Variants in MTSS1 observed in about 807,000 individuals in gnomAD.
The protein encoded by MTSS1 is MTSS I-BAR domain containing 1.
In MTSS1, 18 loss-of-function variants were observed where a neutral mutation model predicts 79.0. That is an observed-to-expected ratio of 0.23 (90% CI 0.16 to 0.34). The LOEUF (loss-of-function observed/expected upper bound fraction) is 0.34. Ranked by LOEUF, MTSS1 falls within the 10% of genes least tolerant of loss-of-function variation. MTSS1 has a pLI of 1.00. For missense variants in MTSS1, 815 were observed against 986.2 expected, an observed-to-expected ratio of 0.83 and a Z score of 2.33; for synonymous variants, 341 against 368.6, an observed-to-expected ratio of 0.93 and a Z score of 0.86.
At chr8:124,712,054 G>A (rs1005004055) in intron 1 of MTSS1, among the ~76,000 whole-genome samples, 20 of 151,082 alleles carry the variant, frequency 1.3e-4, no homozygotes, top group African/African-American at 4.9e-4. Flanking sequence ...AACAAAGAGT[G>A]GGTAGAAAAA....
At chr8:124,711,893 A>C (rs1041443853) in intron 1 of MTSS1, among the ~76,000 whole-genome samples, 2 of 151,736 alleles carry the variant, frequency 1.3e-5, no homozygotes, top group Non-Finnish European at 2.9e-5. Flanking sequence ...CTGCAATCCC[A>C]GTTACTCAGG....
At chr8:124,660,506 G>A (rs1036404074) in intron 3 of MTSS1, among the ~76,000 whole-genome samples, 1 of 150,174 alleles carries the variant, frequency 6.7e-6, no homozygotes, top group African/African-American at 2.5e-5. Context: ...AAGATCAAGG[G>A]GATAAATCAA....
intron 7 of MTSS1, 88 bp downstream of exon 7, chr8:124,568,291 C>A: frequency 6.9e-7 from 1 of 1,451,136 alleles, no homozygotes; most frequent in Non-Finnish European, 9.4e-7. Flanking sequence ...AGTAGATTCT[C>A]CATGACTCAA....
intron 3 of MTSS1, among the ~76,000 whole-genome samples, chr8:124,656,328 A>G (rs937998417): frequency 3.3e-5 from 5 of 152,088 alleles, no homozygotes; most frequent in Non-Finnish European, 5.9e-5. Context: ...AGCTTGCAAA[A>G]TAAAGTTCTT....
chr8:124,567,103 C>A lies in MTSS1; in HGVS notation c.694G>T (p.Asp232Tyr). Reference sequence around the variant, plus strand: ...CTTGAGGAGGGCAGTTTGTGAGGGTCCATGGTCAGGCTTTTTAGATCTTCC... The same window carrying A: ...CTTGAGGAGGGCAGTTTGTGAGGGTACATGGTCAGGCTTTTTAGATCTTCC... Reference protein sequence around the residue: ...ISEDLKSLTMDPHKLPSSSEQ... With the variant: ...ISEDLKSLTMYPHKLPSSSEQ... Residue 232 changes from aspartate to tyrosine, a missense_variant, in exon 8 of 14, where the codon GAC becomes TAC. Asp to Tyr is a radical substitution (Grantham distance 160). Coordinates refer to ENST00000518547, the MANE Select transcript of MTSS1 (RefSeq NM_014751.6). 2 of 1,614,076 alleles carry A rather than the reference C, an allele frequency of 1.2e-6. No homozygotes were observed. The highest frequency in any genetic ancestry group is 1.7e-6 in the Non-Finnish European group (2 of 1,179,934).
chr8:124,662,344 C>A (rs189376611), intron 3 of MTSS1, among the ~76,000 whole-genome samples: 8 of 152,102 alleles, frequency 5.3e-5, no homozygotes, highest in African/African-American at 1.9e-4. Flanking sequence ...AACAGTGATA[C>A]GAATGTATTC....
At position 124,567,052 on chromosome 8, in the gene MTSS1, C is replaced by CTTA; in HGVS notation, c.726+16_726+18dup. On this transcript the variant is annotated intron_variant, in intron 8 of 13. Coordinates refer to ENST00000518547, the MANE Select transcript of MTSS1 (RefSeq NM_014751.6). ...CCTCTTTGGTTTGATCCTGTAAGTGCTTAACCCCTGAAGCCTACCTGTTCA... is the reference window on the plus strand; with the variant it reads ...CCTCTTTGGTTTGATCCTGTAAGTGCTTATTAACCCCTGAAGCCTACCTGTTCA... 1.3e-6 allele frequency: 2 copies of CTTA among 1,579,694 alleles called. No individual in the cohort carries two copies. The highest frequency in any genetic ancestry group is 1.7e-6 in the Non-Finnish European group (2 of 1,149,114).
chr8:124,585,226 A>C, intron 5 of MTSS1, 65 bp from the exon 6 acceptor site: 6 of 1,166,592 alleles, frequency 5.1e-6, no homozygotes, highest in Non-Finnish European at 7.6e-6. Flanking sequence ...GTTAGGTAGG[A>C]AACAGCCATT....
At chr8:124,696,484 T>C (rs540225569) in intron 3 of MTSS1, among the ~76,000 whole-genome samples, 23 of 152,170 alleles carry the variant, frequency 1.5e-4, no homozygotes, top group Non-Finnish European at 3.2e-4. Flanking sequence ...TCAATGAAAA[T>C]AGTAGCACGT....
chr8:124,565,996 A>G, intron 8 of MTSS1: 1 of 347,540 alleles, frequency 2.9e-6, no homozygotes, highest in Non-Finnish European at 5.3e-6. Flanking sequence ...AAGGAAGGGA[A>G]AAGGAAAATC....
intron 3 of MTSS1, among the ~76,000 whole-genome samples, chr8:124,694,230 C>T (rs1033284353): frequency 7.2e-5 from 11 of 152,076 alleles, no homozygotes; most frequent in Non-Finnish European, 1.5e-4. Context: ...GAGCGGACGA[C>T]ACACTCCCTC....
chr8:124,611,122 A>G lies in MTSS1; in HGVS notation c.209-19887T>C, dbSNP rs539122216. 4.6e-5 allele frequency among the ~76,000 whole-genome samples: 6 copies of G among 129,140 alleles called. No homozygotes were observed. In the South Asian group the frequency reaches 1.5e-3, roughly 33 times the overall value. The allele number at this position is 129,140 out of a possible 152,430, so 84.7% of individuals were successfully genotyped here. On this transcript the variant is annotated intron_variant, in intron 3 of 13. Coordinates refer to ENST00000518547, the MANE Select transcript of MTSS1 (RefSeq NM_014751.6). ...ACCAGACAGACCCCCCCCCCCCAGC[A>G]TGTGACTCAACAGTCACCTCTGTAG...
chr8:124,682,282 C>T (rs1826245615), intron 3 of MTSS1, among the ~76,000 whole-genome samples: 1 of 152,198 alleles, frequency 6.6e-6, no homozygotes, highest in African/African-American at 2.4e-5. Flanking sequence ...TGCCCACCCC[C>T]ATCTTCGGCA....
At chr8:124,704,934 G>A (rs1830184134) in intron 1 of MTSS1, among the ~76,000 whole-genome samples, 1 of 152,134 alleles carries the variant, frequency 6.6e-6, no homozygotes, top group South Asian at 2.1e-4. Context: ...CACCCTGACT[G>A]CATCCCAGAG....
At chr8:124,572,763 G>A (rs1292098580) in intron 6 of MTSS1, among the ~76,000 whole-genome samples, 1 of 80,260 alleles carries the variant, frequency 1.2e-5, no homozygotes, top group African/African-American at 6.8e-5. Context: ...TTTTTTTTGA[G>A]ACAGAGTCTC....
chr8:124,565,822 C>T, intron 8 of MTSS1, 63 bp from the exon 9 acceptor site: 3 of 1,346,450 alleles, frequency 2.2e-6, no homozygotes, highest in Non-Finnish European at 3.2e-6. Flanking sequence ...GCCATCAAAG[C>T]TTAACATCCA....
chr8:124,555,788 G>A lies in MTSS1; in HGVS notation c.1521C>T (p.Thr507=). Reference sequence around the variant, plus strand: ...CAGAGCAGCAGGGGGTGGTTGTCTGGGTGCTGTAGCCGCTGGAGCACTGAA... The same window carrying A: ...CAGAGCAGCAGGGGGTGGTTGTCTGAGTGCTGTAGCCGCTGGAGCACTGAA... ...DSLQCSSGYS[T]QTTTPCCSED... is the part of the protein sequence containing the mutation. The change falls in exon 13 of 14, where the codon ACC becomes ACT. Residue 507 remains threonine (T), a synonymous_variant. Coordinates refer to ENST00000518547, the MANE Select transcript of MTSS1 (RefSeq NM_014751.6). The A allele has an allele frequency of 6.2e-7, 1 of 1,613,406 alleles. No individual in the cohort carries two copies. Among genetic ancestry groups the A allele is most frequent in the Non-Finnish European group, 8.5e-7 (1 of 1,179,740 alleles).
In MTSS1 at chr8:124,553,134, G is replaced by C. The variant is rs1822819559; in HGVS notation, c.2126C>G (p.Pro709Arg). ...EREPPSATVS[P>R]GQIPESDPAD... ...AGGGTCACTCTCTGGAATCTGGCCTGGGGAGACAGTGGCACTTGGGGGTTC... is the reference window on the plus strand; with the variant it reads ...AGGGTCACTCTCTGGAATCTGGCCTCGGGAGACAGTGGCACTTGGGGGTTC... The change falls in exon 14 of 14, where the codon CCA becomes CGA. Residue 709 changes from proline to arginine, a missense_variant. Physicochemically the swap from Pro to Arg is moderately radical, Grantham distance 103 (BLOSUM62 -2). Coordinates refer to ENST00000518547, the MANE Select transcript of MTSS1 (RefSeq NM_014751.6). The surrounding 1 kb of genome is among the most constrained non-coding windows in gnomAD (Gnocchi z 6.0). 6.2e-7 allele frequency: 1 copy of C among 1,614,110 alleles called. No individual in the cohort carries two copies. Among genetic ancestry groups the C allele is most frequent in the African/African-American group, 1.3e-5 (1 of 75,008 alleles).
At chr8:124,623,148 C>G (rs1813941707) in intron 3 of MTSS1, among the ~76,000 whole-genome samples, 1 of 152,264 alleles carries the variant, frequency 6.6e-6, no homozygotes, top group African/African-American at 2.4e-5. Context: ...CAAGCCTTGA[C>G]TGGCTGTTTC....
Sources: allele counts gnomAD v4.1 joint callset (sites outside exome capture counted in the v4.1 genomes callset), GRCh38; gene constraint gnomAD v4.1.1; non-coding constraint Gnocchi (gnomAD v3.1); transcripts MANE v1.5; gene names NCBI Gene and HGNC (gene_info 2026-07-23, HGNC 2026-07-21).